The following PKN2 variants were observed in gnomAD, a reference collection of about 807,000 sequenced individuals.
PKN2 encodes protein kinase N2.
In PKN2, 38 loss-of-function variants were observed where a neutral mutation model predicts 119.1. The observed-to-expected ratio is 0.32, with a 90% CI of 0.25 to 0.42. The LOEUF (loss-of-function observed/expected upper bound fraction) is 0.42. Ranked by LOEUF, PKN2 falls within the 10% of genes least tolerant of loss-of-function variation. The pLI is 1.00. For missense variants in PKN2, 850 were observed against 1,165.1 expected (o/e 0.73, Z 3.94); for synonymous variants, 390 against 384.9 (o/e 1.01, Z -0.15).
In PKN2 at chr1:88,813,497, A is replaced by C. The variant is rs1671861393; in HGVS notation, c.2103-60A>C. The C allele has an allele frequency of 3.4e-6, 4 of 1,185,424 alleles. No individual in the cohort carries two copies. The Admixed American group carries it at 1.0e-4, about 31-fold the overall frequency. 73.4% of individuals were successfully genotyped at this position (1,185,424 alleles called of 1,614,324 possible). A position where few individuals can be genotyped will look rare whatever the true frequency, so the allele number is the denominator to read the frequency against. On this transcript the variant is annotated intron_variant, in intron 15 of 21. Coordinates refer to ENST00000370521, the MANE Select transcript of PKN2 (RefSeq NM_006256.4). ...TTTTAAGTTTAGTAATTTATAAAGA[A>C]TGTTATTTCCAACTAGAATTATTTT...
Position 88,741,041 on chromosome 1 carries a change from A to G in PKN2, c.102A>G (p.Leu34=), listed in dbSNP as rs1270648029. ...AGAATGTGAGTGCTGTTCAAAAATTAGACTTTTCAGATACAATGGTGCAGC... is the reference window on the plus strand; with the variant it reads ...AGAATGTGAGTGCTGTTCAAAAATTGGACTTTTCAGATACAATGGTGCAGC... The part of the protein sequence containing the change: ...FSENVSAVQK[L]DFSDTMVQQK... The change falls in exon 2 of 22, where the codon TTA becomes TTG. Residue 34 remains leucine (L), a synonymous_variant. Transcript: ENST00000370521. The G allele has an allele frequency of 2.5e-6, 4 of 1,595,574 alleles. No individual in the cohort carries two copies. The highest frequency in any genetic ancestry group is 2.3e-5 in the South Asian group (2 of 86,742).
intron 19 of PKN2, chr1:88,829,183 A>G (rs1209918649): frequency 2.7e-6 from 2 of 739,746 alleles, no homozygotes; most frequent in Admixed American, 1.7e-5. Flanking sequence ...TCCGATGGCC[A>G]TGAATTTATT....
chr1:88,812,006 A>AAATCCC (rs1671799914), intron 15 of PKN2, among the ~76,000 whole-genome samples: 2 of 152,160 alleles, frequency 1.3e-5, no homozygotes, highest in African/African-American at 4.8e-5. Flanking sequence ...AGTGATGACA[A>AAATCCC]TTTAGAGGGA....
rs1672821689 is a variant in PKN2 at position 88,833,619 on chromosome 1, T to C, written c.*171T>C. 1 of 592,896 alleles carries C rather than the reference T, an allele frequency of 1.7e-6. No individual in the cohort carries two copies. Among genetic ancestry groups the C allele is most frequent in the Non-Finnish European group, 3.0e-6 (1 of 337,182 alleles). 36.7% of individuals were successfully genotyped at this position (592,896 alleles called of 1,614,324 possible). A position where few individuals can be genotyped will look rare whatever the true frequency, so the allele number is the denominator to read the frequency against. The stretch of plus-strand genomic sequence containing the variant: ...TACCATTCTAATACTTCTTCAAAAG[T>C]GGCTCCTCATTGTACTTCAGCGTAA... On this transcript the variant is annotated 3_prime_UTR_variant, in exon 22 of 22. Coordinates refer to ENST00000370521, the MANE Select transcript of PKN2 (RefSeq NM_006256.4).
intron 8 of PKN2, among the ~76,000 whole-genome samples, chr1:88,794,408 G>A (rs9427965): frequency 0.71 from 107,966 of 151,424 alleles, 39,494 homozygotes; most frequent in African/African-American, 0.88. Flanking sequence ...CCTTTCACCA[G>A]TTCTCTTGTT....
At chr1:88,824,492 T>C in intron 18 of PKN2, 106 bp downstream of exon 18, 4 of 668,448 alleles carry the variant, frequency 6.0e-6, no homozygotes, top group Non-Finnish European at 1.1e-5. Flanking sequence ...CTTTTAACTT[T>C]ATTCTTCATT....
At chr1:88,715,500 G>T in intron 1 of PKN2, among the ~76,000 whole-genome samples, 1 of 152,156 alleles carries the variant, frequency 6.6e-6, no homozygotes, top group East Asian at 1.9e-4. Context: ...TCTTGGGAGG[G>T]TGTATGTGTC....
rs183997815 is a variant in PKN2, at chr1:88,820,473, C to T, written c.2280-1468C>T. On this transcript the variant is annotated intron_variant, in intron 16 of 21. Transcript: ENST00000370521. ...ACTTGAACTGGGGAGGTGGGGGTTG[C>T]GGTGAGCTGAGATTGTGCAATTGCA... is the stretch of plus-strand genomic sequence containing the variant. 2.6e-3 allele frequency among the ~76,000 whole-genome samples: 392 copies of T among 149,584 alleles called. 2 individuals are homozygous for T. The highest frequency in any genetic ancestry group is 9.2e-3 in the African/African-American group (375 of 40,896).
chr1:88,732,203 T>C (rs891023636), intron 1 of PKN2, among the ~76,000 whole-genome samples: 1 of 152,168 alleles, frequency 6.6e-6, no homozygotes, highest in Admixed American at 6.5e-5. Flanking sequence ...AAGTTAATAT[T>C]ACTTTTGGTT....
chr1:88,833,313 A>C lies in PKN2; in HGVS notation c.2820A>C (p.Arg940=). The change falls in exon 22 of 22, where the codon CGA becomes CGC. Residue 940 remains arginine (R), a synonymous_variant. Coordinates refer to ENST00000370521, the MANE Select transcript of PKN2 (RefSeq NM_006256.4). ...KPPFIPTIRG[R]EDVSNFDDEF... The stretch of plus-strand genomic sequence containing the variant: ...CATTTATACCTACCATAAGAGGACG[A>C]GAAGATGTTAGTAATTTTGATGATG... 1 of 1,613,492 alleles carries C rather than the reference A, an allele frequency of 6.2e-7. No homozygotes were observed. The highest frequency in any genetic ancestry group is 8.5e-7 in the Non-Finnish European group (1 of 1,179,502).
chr1:88,725,877 T>C (rs962604074), intron 1 of PKN2, among the ~76,000 whole-genome samples: 21 of 152,218 alleles, frequency 1.4e-4, no homozygotes, highest in Admixed American at 2.6e-4. Flanking sequence ...TCATGGTTTT[T>C]ACACTTAGAT....
At chr1:88,818,961 AAAACTGGCTAGCCATATGCGGGGAACTG>A (rs1293346086) in intron 16 of PKN2, among the ~76,000 whole-genome samples, 1 of 152,180 alleles carries the variant, frequency 6.6e-6, no homozygotes, top group Non-Finnish European at 1.5e-5. Flanking sequence ...TGGTGTTGGG[AAAACTGGCTAGCCATATGCGGGGAACTG>A]AAACTGAACC....
chr1:88,821,556 C>G (rs372611945), intron 16 of PKN2, among the ~76,000 whole-genome samples: 3 of 152,168 alleles, frequency 2.0e-5, no homozygotes, highest in African/African-American at 7.2e-5. Context: ...TACTTGTTAT[C>G]AAACATGTTA....
At chr1:88,803,220 G>C (rs3767386) in intron 8 of PKN2, among the ~76,000 whole-genome samples, 2 of 151,922 alleles carry the variant, frequency 1.3e-5, no homozygotes, top group African/African-American at 4.8e-5. Context: ...CTGTTTGACT[G>C]TGAAACCCTC....
chr1:88,765,594 C>T (rs1669637272), intron 3 of PKN2, among the ~76,000 whole-genome samples: 1 of 152,114 alleles, frequency 6.6e-6, no homozygotes, highest in Admixed American at 6.5e-5. Flanking sequence ...AAGTTACTTC[C>T]AAAAGTACCC....
intron 1 of PKN2, among the ~76,000 whole-genome samples, chr1:88,690,496 C>T (rs1666290125): frequency 6.6e-6 from 1 of 152,144 alleles, no homozygotes; most frequent in African/African-American, 2.4e-5. Context: ...TTTTGATATA[C>T]AGCAGAGTTC....
chr1:88,807,496 T>TA (rs768991401), intron 13 of PKN2, 33 bp from the exon 14 acceptor site: 8 of 1,602,280 alleles, frequency 5.0e-6, no homozygotes, highest in Middle Eastern at 3.3e-4. Context: ...CATACTTTAT[T>TA]GTCTTATTAT....
At chr1:88,815,178 A>T (rs1349659236) in intron 16 of PKN2, among the ~76,000 whole-genome samples, 1 of 152,234 alleles carries the variant, frequency 6.6e-6, no homozygotes, top group Admixed American at 6.5e-5. Context: ...TTGTTTTTAA[A>T]ATAATACATA....
chr1:88,742,950 G>T (rs141417994), intron 2 of PKN2, among the ~76,000 whole-genome samples: 2 of 152,092 alleles, frequency 1.3e-5, no homozygotes, highest in Non-Finnish European at 2.9e-5. Context: ...TAGCACTTTG[G>T]GAGGCCAAGG....
Sources: allele counts gnomAD v4.1 joint callset (sites outside exome capture counted in the v4.1 genomes callset), GRCh38; gene constraint gnomAD v4.1.1; transcripts MANE v1.5; gene names NCBI Gene and HGNC (gene_info 2026-07-23, HGNC 2026-07-21).